Variants in BCKDHB observed in about 807,000 individuals in gnomAD.
The protein encoded by BCKDHB is branched chain keto acid dehydrogenase E1 subunit beta.
BCKDHB carries 41 observed loss-of-function variants against 48.5 expected under a neutral mutation model. The ratio of observed to expected loss-of-function variants is 0.85; its 90% CI spans 0.66 to 1.10. BCKDHB has a LOEUF of 1.10. Among genes scored for constraint, BCKDHB ranks in the 50% least tolerant of loss-of-function variants. The pLI is 0.00. For synonymous variants in BCKDHB, 201 were observed against 174.8 expected (o/e 1.15, Z -1.18); for missense variants, 496 against 494.2 (o/e 1.00, Z -0.03).
intron 3 of BCKDHB, among the ~76,000 whole-genome samples, chr6:80,162,734 C>T (rs1400069237): frequency 1.3e-5 from 2 of 152,018 alleles, no homozygotes; most frequent in African/African-American, 4.8e-5. Flanking sequence ...GCCTGTAATC[C>T]CAGCTACTCG....
chr6:80,388,131 G>A, the BCKDHB span, among the ~76,000 whole-genome samples: 130 of 152,322 alleles, frequency 8.5e-4, 1 homozygote, highest in Admixed American at 8.2e-3. Context: ...TCATTTGAGT[G>A]TGTTACTCTG....
intron 8 of BCKDHB, among the ~76,000 whole-genome samples, chr6:80,210,061 T>C (rs538123198): frequency 6.7e-5 from 10 of 150,160 alleles, no homozygotes; most frequent in African/African-American, 2.0e-4. Context: ...TTTTGGAAAA[T>C]TGTTTGGCAG....
intron 8 of BCKDHB, among the ~76,000 whole-genome samples, chr6:80,226,365 T>G (rs1314023053): frequency 6.6e-6 from 1 of 152,194 alleles, no homozygotes; most frequent in Non-Finnish European, 1.5e-5. Flanking sequence ...ATTCCATCCC[T>G]GGGGAAGGGC....
At chr6:80,342,248 T>G (rs1329337211) in intron 9 of BCKDHB, among the ~76,000 whole-genome samples, 3 of 152,076 alleles carry the variant, frequency 2.0e-5, no homozygotes, top group Non-Finnish European at 4.4e-5. Flanking sequence ...GTGAACATAG[T>G]ATAATATGTA....
rs144007529 is a variant in BCKDHB at position 80,326,653 on chromosome 6, C to T, written c.1039-17011C>T. Reference sequence around the variant, plus strand: ...CTGTAATCCCAGCACTTTGGGAGGCCGAGGTAGGTAGATCACTTGAGGTCA... The same window carrying T: ...CTGTAATCCCAGCACTTTGGGAGGCTGAGGTAGGTAGATCACTTGAGGTCA... On this transcript the variant is annotated intron_variant, in intron 9 of 9. Coordinates refer to ENST00000320393, the MANE Select transcript of BCKDHB (RefSeq NM_183050.4). Among the ~76,000 whole-genome samples the T allele has an allele frequency of 3.7e-3, 569 of 152,134 alleles. 5 individuals are homozygous for T. Among genetic ancestry groups the T allele is most frequent in the African/African-American group, 0.011 (459 of 41,478 alleles).
chr6:80,428,757 G>A, the BCKDHB span, among the ~76,000 whole-genome samples: 1 of 152,080 alleles, frequency 6.6e-6, no homozygotes, highest in Non-Finnish European at 1.5e-5. Context: ...GTTCTTTGTA[G>A]ATTCTGGATA....
intron 9 of BCKDHB, among the ~76,000 whole-genome samples, chr6:80,314,329 C>G (rs1296588776): frequency 6.6e-6 from 1 of 152,176 alleles, no homozygotes; most frequent in Non-Finnish European, 1.5e-5. Context: ...AAGGAGTAAT[C>G]TGGCTGCGTT....
At chr6:80,175,638 C>T (rs1648061108) in intron 6 of BCKDHB, among the ~76,000 whole-genome samples, 1 of 152,168 alleles carries the variant, frequency 6.6e-6, no homozygotes, top group African/African-American at 2.4e-5. Context: ...CACATTTGCC[C>T]ATCACTAGAG....
the BCKDHB span, among the ~76,000 whole-genome samples, chr6:80,388,149 T>C: frequency 6.6e-6 from 1 of 152,200 alleles, no homozygotes; most frequent in Non-Finnish European, 1.5e-5. Context: ...CTGGCCCATT[T>C]ATTGAGTGAC....
chr6:80,279,901 G>T (rs677134), intron 9 of BCKDHB, among the ~76,000 whole-genome samples: 139,545 of 152,258 alleles, frequency 0.92, 64,031 homozygotes, highest in East Asian at 0.99. Context: ...TATAAAATAC[G>T]TGCTCATTTA....
the BCKDHB span, among the ~76,000 whole-genome samples, chr6:80,385,537 G>C: frequency 1.3e-5 from 2 of 152,170 alleles, no homozygotes; most frequent in African/African-American, 4.8e-5. Context: ...CCCCTCCCCA[G>C]CCCATGATTC....
chr6:80,110,569 T>G (rs1419700471), intron 1 of BCKDHB, among the ~76,000 whole-genome samples: 1 of 152,228 alleles, frequency 6.6e-6, no homozygotes, highest in Non-Finnish European at 1.5e-5. Flanking sequence ...TTATTGTTTT[T>G]CTCTGGCATT....
intron 8 of BCKDHB, among the ~76,000 whole-genome samples, chr6:80,223,787 T>A (rs575535402): frequency 1.6e-4 from 24 of 152,120 alleles, no homozygotes; most frequent in African/African-American, 4.1e-4. Flanking sequence ...TTGTTGTGAA[T>A]CATATGAGAC....
At chr6:80,157,459 A>ATTTTTTTTT (rs36063034) in intron 3 of BCKDHB, among the ~76,000 whole-genome samples, 6 of 96,750 alleles carry the variant, frequency 6.2e-5, no homozygotes, top group Admixed American at 2.9e-4. Context: ...TTGGGTGAGA[A>ATTTTTTTTT]TTTTTTTTTT....
At chr6:80,199,128 G>A (rs1377706045) in intron 6 of BCKDHB, among the ~76,000 whole-genome samples, 1 of 152,094 alleles carries the variant, frequency 6.6e-6, no homozygotes, top group Non-Finnish European at 1.5e-5. Flanking sequence ...TTTGTGCCCT[G>A]GCTGCAGAGG....
chr6:80,231,559 G>A (rs999038235), intron 8 of BCKDHB, among the ~76,000 whole-genome samples: 13 of 152,202 alleles, frequency 8.5e-5, no homozygotes, highest in African/African-American at 3.1e-4. Context: ...ATGACTGTAG[G>A]AAAAGATGCT....
At chr6:80,379,528 G>A in the BCKDHB span, among the ~76,000 whole-genome samples, 4 of 151,816 alleles carry the variant, frequency 2.6e-5, no homozygotes, top group East Asian at 5.8e-4. Context: ...TTCACTTCAG[G>A]TCTAGAACAA....
chr6:80,163,204 T>C (rs1337691607), intron 3 of BCKDHB, among the ~76,000 whole-genome samples: 1 of 151,318 alleles, frequency 6.6e-6, no homozygotes, highest in African/African-American at 2.4e-5. Context: ...AGCGCCTGGC[T>C]TCTTCTCTCT....
chr6:80,325,456 A>G (rs806845), intron 9 of BCKDHB, among the ~76,000 whole-genome samples: 125,627 of 152,208 alleles, frequency 0.83, 52,341 homozygotes, highest in Admixed American at 0.89. Context: ...GCTAGTAAGA[A>G]TTTTAAATGA....
Sources: gnomAD v4.1 joint callset for allele counts (sites outside exome capture counted in the v4.1 genomes callset) on GRCh38, gnomAD v4.1.1 for gene constraint, MANE v1.5 for transcripts, NCBI Gene and HGNC (gene_info 2026-07-23, HGNC 2026-07-21) for gene names.